The following IGF2BP2 variants were observed in gnomAD, a reference collection of about 807,000 sequenced individuals.
The protein encoded by IGF2BP2 is insulin-like growth factor 2 mRNA-binding protein 2.
In IGF2BP2, 17 loss-of-function variants were observed where a neutral mutation model predicts 75.8. The observed-to-expected ratio is 0.22, with a 90% confidence interval of 0.15 to 0.34. IGF2BP2 has a LOEUF of 0.34. Among genes scored for constraint, IGF2BP2 ranks in the 10% least tolerant of loss-of-function variants. The probability of loss-of-function intolerance (pLI) is 1.00; values close to 1 mark genes in which losing one functional copy is unlikely to be tolerated. For synonymous variants in IGF2BP2, 288 were observed against 295.6 expected, an observed-to-expected ratio of 0.97 and a Z score of 0.26; for missense variants, 516 against 772.4, an observed-to-expected ratio of 0.67 and a Z score of 3.93.
chr3:185,771,719 T>G (rs1050041108), intron 2 of IGF2BP2, among the ~76,000 whole-genome samples: 1 of 152,210 alleles, frequency 6.6e-6, no homozygotes, highest in African/African-American at 2.4e-5. Context: ...TCCTTACAGT[T>G]TGAATAAGTA....
At chr3:185,726,783 C>A (rs1727389627) in intron 2 of IGF2BP2, among the ~76,000 whole-genome samples, 1 of 152,096 alleles carries the variant, frequency 6.6e-6, no homozygotes, top group South Asian at 2.1e-4. Context: ...GTAACAGGTT[C>A]TTTGATCTGT....
At position 185,764,674 on chromosome 3, in the gene IGF2BP2, T is replaced by C. The variant is rs192810458; in HGVS notation, c.239+58479A>G. On this transcript the variant is annotated intron_variant, in intron 2 of 15. Coordinates refer to ENST00000382199, the MANE Select transcript of IGF2BP2 (RefSeq NM_006548.6). ...TTCCCAGTGGGGAGATTCCTAAAAA[T>C]AGGCAATTACCACATCTTGTATGTG... Among the ~76,000 whole-genome samples, 22 of 152,294 alleles carry C rather than the reference T, an allele frequency of 1.4e-4. No homozygotes were observed. The East Asian group carries it at 1.7e-3, about 12-fold the overall frequency.
intron 13 of IGF2BP2, among the ~76,000 whole-genome samples, chr3:185,650,821 C>T (rs1468075905): frequency 6.6e-6 from 1 of 152,244 alleles, no homozygotes; most frequent in Non-Finnish European, 1.5e-5. Context: ...AGTTCCAACT[C>T]CTCCTATTCT....
rs182254185 is a variant in IGF2BP2, at chr3:185,813,021, A to C, written c.239+10132T>G. 6.2e-4 allele frequency among the ~76,000 whole-genome samples: 95 copies of C among 152,328 alleles called. No homozygotes were observed. The Middle Eastern group carries it at 0.01, about 16-fold the overall frequency. On this transcript the variant is annotated intron_variant, in intron 2 of 15. Coordinates refer to ENST00000382199, the MANE Select transcript of IGF2BP2 (RefSeq NM_006548.6). ...GACACAACATACCATTAATATGCAA[A>C]TCAGTGAACAAAGAGCTAACTCTTC...
At chr3:185,676,818 T>C (rs1719448174) in intron 7 of IGF2BP2, among the ~76,000 whole-genome samples, 1 of 144,642 alleles carries the variant, frequency 6.9e-6, no homozygotes, top group Non-Finnish European at 1.5e-5. Flanking sequence ...TGGAGATATA[T>C]ATATATGGAG....
In IGF2BP2 at chr3:185,747,002, A is replaced by C. The variant is rs191608182; in HGVS notation, c.240-48655T>G. The stretch of plus-strand genomic sequence containing the variant: ...GATTGGACAAGAGGCAAAATCAAAA[A>C]CAAAGGCAAAAACCAGGCAAAACAG... On this transcript the variant is annotated intron_variant, in intron 2 of 15. Transcript: ENST00000382199. 8.5e-4 allele frequency among the ~76,000 whole-genome samples: 129 copies of C among 152,338 alleles called. 1 individual carries two copies. The East Asian group carries it at 0.014, about 17-fold the overall frequency.
At chr3:185,796,761 G>A (rs577053818) in intron 2 of IGF2BP2, among the ~76,000 whole-genome samples, 52 of 152,224 alleles carry the variant, frequency 3.4e-4, no homozygotes, top group African/African-American at 1.2e-3. Context: ...CTGAGTCACT[G>A]TGAACTTCTG....
At chr3:185,745,058 C>T (rs749050286) in intron 2 of IGF2BP2, among the ~76,000 whole-genome samples, 7 of 152,202 alleles carry the variant, frequency 4.6e-5, no homozygotes, top group South Asian at 2.1e-4. Context: ...TGCTGGTGTG[C>T]GGCAGAGCCA....
intron 2 of IGF2BP2, among the ~76,000 whole-genome samples, chr3:185,816,881 T>G (rs945374934): frequency 6.6e-6 from 1 of 152,156 alleles, no homozygotes; most frequent in Non-Finnish European, 1.5e-5. Context: ...CTGATCACAT[T>G]TAAAACAAAA....
chr3:185,788,618 T>G (rs932805013), intron 2 of IGF2BP2, among the ~76,000 whole-genome samples: 6 of 151,908 alleles, frequency 3.9e-5, no homozygotes, highest in African/African-American at 1.2e-4. Flanking sequence ...ACAGCATAAG[T>G]GCTAGTCTGG....
intron 2 of IGF2BP2, among the ~76,000 whole-genome samples, chr3:185,740,533 C>T (rs896420307): frequency 1.3e-5 from 2 of 152,206 alleles, no homozygotes; most frequent in African/African-American, 4.8e-5. Flanking sequence ...CATTTGAAGT[C>T]TTTTTGTTCT....
At chr3:185,726,886 A>C (rs1431748504) in intron 2 of IGF2BP2, among the ~76,000 whole-genome samples, 2 of 152,172 alleles carry the variant, frequency 1.3e-5, no homozygotes, top group African/African-American at 2.4e-5. Context: ...GGTTGTGGGA[A>C]AAAAAGGTGC....
At chr3:185,740,032 C>T (rs1729347323) in intron 2 of IGF2BP2, among the ~76,000 whole-genome samples, 1 of 151,716 alleles carries the variant, frequency 6.6e-6, no homozygotes, top group Non-Finnish European at 1.5e-5. Flanking sequence ...ATTTTTAGTA[C>T]AGACGGGGTT....
At chr3:185,750,323 A>T (rs1342201350) in intron 2 of IGF2BP2, among the ~76,000 whole-genome samples, 1 of 152,184 alleles carries the variant, frequency 6.6e-6, no homozygotes, top group Non-Finnish European at 1.5e-5. Context: ...GGAATTTATT[A>T]TCTGTTGATC....
chr3:185,653,491 C>G (rs925064720), intron 12 of IGF2BP2, among the ~76,000 whole-genome samples: 4 of 151,856 alleles, frequency 2.6e-5, no homozygotes, highest in African/African-American at 9.7e-5. Context: ...AGTGGTGGCG[C>G]GTGCCTGCAG....
intron 7 of IGF2BP2, among the ~76,000 whole-genome samples, chr3:185,682,437 C>T (rs1186448232): frequency 3.9e-5 from 6 of 152,184 alleles, no homozygotes; most frequent in Non-Finnish European, 7.3e-5. Context: ...GCTGACATCA[C>T]GCTCTTGGAC....
At chr3:185,732,917 A>G (rs985584749) in intron 2 of IGF2BP2, among the ~76,000 whole-genome samples, 3 of 152,208 alleles carry the variant, frequency 2.0e-5, no homozygotes, top group African/African-American at 7.2e-5. Context: ...AGGATGTTAC[A>G]GCTTCTTTCT....
chr3:185,809,927 A>G (rs564691866), intron 2 of IGF2BP2, among the ~76,000 whole-genome samples: 2 of 152,196 alleles, frequency 1.3e-5, no homozygotes, highest in Non-Finnish European at 2.9e-5. Flanking sequence ...TGGAACTTCA[A>G]ATTTTTTAAA....
chr3:185,790,910 C>A (rs1170650876), intron 2 of IGF2BP2, among the ~76,000 whole-genome samples: 3 of 152,198 alleles, frequency 2.0e-5, no homozygotes, highest in African/African-American at 7.2e-5. Flanking sequence ...CTGCCCACAT[C>A]ATGTTTTTCA....
Sources: allele counts gnomAD v4.1 joint callset (sites outside exome capture counted in the v4.1 genomes callset), GRCh38; gene constraint gnomAD v4.1.1; transcripts MANE v1.5; gene names NCBI Gene and HGNC (gene_info 2026-07-23, HGNC 2026-07-21).